VTI1A: variants seen among roughly 807,000 people sequenced by gnomAD.
VTI1A encodes vesicle transport through interaction with t-SNAREs homolog 1A.
VTI1A carries 22 observed loss-of-function variants against 34.9 expected under a neutral mutation model. The observed-to-expected ratio is 0.63, with a 90% CI of 0.45 to 0.90. VTI1A has a LOEUF of 0.90. Among genes scored for constraint, VTI1A ranks in the 40% least tolerant of loss-of-function variants. The pLI is 0.00. For synonymous variants in VTI1A, 87 were observed against 97.3 expected (o/e 0.89, Z 0.62); for missense variants, 268 against 275.6 (o/e 0.97, Z 0.20).
intron 4 of VTI1A, among the ~76,000 whole-genome samples, chr10:112,530,667 C>T (rs1459371006): frequency 6.6e-6 from 1 of 152,130 alleles, no homozygotes; most frequent in Non-Finnish European, 1.5e-5. Context: ...CAATATTTAG[C>T]AGATAATGAT....
intron 2 of VTI1A, among the ~76,000 whole-genome samples, chr10:112,462,216 T>G (rs1445343767): frequency 6.6e-6 from 1 of 152,230 alleles, no homozygotes; most frequent in African/African-American, 2.4e-5. Context: ...GGATTAATTG[T>G]GTTTCTGCTG....
intron 7 of VTI1A, among the ~76,000 whole-genome samples, chr10:112,794,899 G>A (rs965312380): frequency 6.6e-5 from 10 of 152,100 alleles, no homozygotes; most frequent in Non-Finnish European, 1.2e-4. Flanking sequence ...TACCCAAAGA[G>A]CATTCGTGAC....
chr10:112,842,837 T>G, the VTI1A span, among the ~76,000 whole-genome samples: 2 of 152,168 alleles, frequency 1.3e-5, no homozygotes, highest in Non-Finnish European at 2.9e-5. Context: ...ACTGTAGCTG[T>G]CAGGGGGGTT....
intron 5 of VTI1A, among the ~76,000 whole-genome samples, chr10:112,623,931 G>A (rs1397113399): frequency 6.6e-6 from 1 of 152,212 alleles, no homozygotes; most frequent in Non-Finnish European, 1.5e-5. Context: ...AGCCTCTGCT[G>A]CCAAGCTGTG....
chr10:112,768,639 A>G (rs1260824156), intron 7 of VTI1A, among the ~76,000 whole-genome samples: 1 of 152,216 alleles, frequency 6.6e-6, no homozygotes, highest in Admixed American at 6.5e-5. Flanking sequence ...AAGAGGCATG[A>G]CAACTAGAAA....
chr10:112,624,219 A>G (rs1388468649), intron 5 of VTI1A, among the ~76,000 whole-genome samples: 1 of 152,182 alleles, frequency 6.6e-6, no homozygotes, highest in Non-Finnish European at 1.5e-5. Flanking sequence ...ATCATCAGCA[A>G]TACTAAATGG....
At chr10:112,697,866 ATGTGTGTGTGTGTGTGTGTG>A (rs67142519) in intron 7 of VTI1A, among the ~76,000 whole-genome samples, 1 of 134,824 alleles carries the variant, frequency 7.4e-6, no homozygotes, top group South Asian at 2.4e-4. Context: ...TAGCATTTAC[ATGTGTGTGTGTGTGTGTGTG>A]TGTGTGTGTG....
chr10:112,447,170 T>A (rs563250452), upstream of VTI1A: 1 of 541,318 alleles, frequency 1.8e-6, no homozygotes, highest in African/African-American at 1.9e-5. Flanking sequence ...GAGCGGAAAA[T>A]AAAGCACGCA....
At chr10:112,668,837 T>G in intron 6 of VTI1A, 100 bp from the exon 7 acceptor site, 1 of 1,252,438 alleles carries the variant, frequency 8.0e-7, no homozygotes, top group Non-Finnish European at 1.1e-6. Context: ...AACATTTTTA[T>G]TGTTTGGATT....
intron 3 of VTI1A, among the ~76,000 whole-genome samples, chr10:112,509,553 A>G (rs1014168819): frequency 6.6e-6 from 1 of 152,192 alleles, no homozygotes; most frequent in African/African-American, 2.4e-5. Flanking sequence ...ACTCTGGAAG[A>G]GTTTACTAAT....
intron 7 of VTI1A, among the ~76,000 whole-genome samples, chr10:112,783,980 G>T (rs1366736166): frequency 2.6e-5 from 4 of 152,226 alleles, no homozygotes; most frequent in African/African-American, 9.6e-5. Flanking sequence ...TGAAAGGAAA[G>T]AAATAAAAGG....
chr10:112,512,446 A>G (rs927599644), intron 3 of VTI1A, among the ~76,000 whole-genome samples: 2 of 152,136 alleles, frequency 1.3e-5, no homozygotes, highest in African/African-American at 4.8e-5. Context: ...TATTCTGAAT[A>G]TTAGTCACCT....
chr10:112,562,522 TTGTG>T (rs369382577), intron 5 of VTI1A, among the ~76,000 whole-genome samples: 1 of 150,964 alleles, frequency 6.6e-6, no homozygotes, highest in Non-Finnish European at 1.5e-5. Context: ...AATATTATGT[TTGTG>T]TGTGTGTGTG....
intron 3 of VTI1A, among the ~76,000 whole-genome samples, chr10:112,512,538 C>G (rs1298060671): frequency 6.6e-6 from 1 of 152,106 alleles, no homozygotes; most frequent in African/African-American, 2.4e-5. Context: ...TGTGCAGAAG[C>G]TTTTTAGCTT....
chr10:112,600,520 C>T (rs1338157429), intron 5 of VTI1A, among the ~76,000 whole-genome samples: 1 of 152,188 alleles, frequency 6.6e-6, no homozygotes, highest in Non-Finnish European at 1.5e-5. Flanking sequence ...CAGATACGCA[C>T]ATGGCTCACT....
At chr10:112,847,812 C>T in the VTI1A span, among the ~76,000 whole-genome samples, 162 of 152,298 alleles carry the variant, frequency 1.1e-3, no homozygotes, top group African/African-American at 3.7e-3. Flanking sequence ...TGTGTACCCT[C>T]ATTTATTCAT....
chr10:112,648,814 C>G (rs148481932), intron 5 of VTI1A, among the ~76,000 whole-genome samples: 55 of 152,158 alleles, frequency 3.6e-4, no homozygotes, highest in African/African-American at 1.3e-3. Flanking sequence ...ATAAAAATTC[C>G]TAAATAGATT....
At chr10:112,500,168 G>A (rs1483676706) in intron 3 of VTI1A, among the ~76,000 whole-genome samples, 2 of 152,164 alleles carry the variant, frequency 1.3e-5, no homozygotes, top group Non-Finnish European at 2.9e-5. Context: ...CGGGTGTGGT[G>A]ACTCATGCCT....
At chr10:112,633,228 C>A (rs1846207296) in intron 5 of VTI1A, among the ~76,000 whole-genome samples, 1 of 152,134 alleles carries the variant, frequency 6.6e-6, no homozygotes, top group Non-Finnish European at 1.5e-5. Flanking sequence ...ATCTGGAACA[C>A]ATAGTGGGTC....
Sources: allele counts gnomAD v4.1 joint callset (sites outside exome capture counted in the v4.1 genomes callset), GRCh38; gene constraint gnomAD v4.1.1; transcripts MANE v1.5; gene names NCBI Gene and HGNC (gene_info 2026-07-23, HGNC 2026-07-21).